The following CACNA1A variants were observed in gnomAD, a reference collection of about 807,000 sequenced individuals.
CACNA1A encodes calcium voltage-gated channel subunit alpha1 A.
In CACNA1A, 57 loss-of-function variants were observed where a neutral mutation model predicts 262.4. The observed-to-expected ratio is 0.22, with a 90% CI of 0.18 to 0.27. The LOEUF is 0.27. Ranked by LOEUF, CACNA1A falls within the 10% of genes least tolerant of loss-of-function variation. The probability of loss-of-function intolerance (pLI) is 1.00; values close to 1 mark genes in which losing one functional copy is unlikely to be tolerated. For missense variants in CACNA1A, 2,526 were observed against 3,562.8 expected (o/e 0.71, Z 7.41); for synonymous variants, 1,431 against 1,419.3 (o/e 1.01, Z -0.18).
At chr19:13,239,309 G>A (rs538779579) in intron 31 of CACNA1A, among the ~76,000 whole-genome samples, 3 of 152,108 alleles carry the variant, frequency 2.0e-5, no homozygotes, top group Non-Finnish European at 4.4e-5. Context: ...CACAGGTTCC[G>A]TCCCACCACA....
intron 1 of CACNA1A, among the ~76,000 whole-genome samples, chr19:13,461,003 T>C (rs1344256028): frequency 1.3e-5 from 2 of 152,156 alleles, no homozygotes; most frequent in Non-Finnish European, 2.9e-5. Flanking sequence ...CTTCATCCTC[T>C]GTGCCCAGGA....
At chr19:13,350,246 T>C (rs576370529) in intron 6 of CACNA1A, among the ~76,000 whole-genome samples, 7 of 152,200 alleles carry the variant, frequency 4.6e-5, no homozygotes, top group African/African-American at 1.7e-4. Flanking sequence ...TACTGACATT[T>C]TGGGCTGGGT....
At chr19:13,355,561 G>C (rs1003881823) in intron 6 of CACNA1A, among the ~76,000 whole-genome samples, 1 of 152,166 alleles carries the variant, frequency 6.6e-6, no homozygotes, top group African/African-American at 2.4e-5. Flanking sequence ...AGAGATGCAG[G>C]GCAGAGCAAA....
intron 3 of CACNA1A, among the ~76,000 whole-genome samples, chr19:13,439,101 T>C (rs2060665354): frequency 6.6e-6 from 1 of 151,024 alleles, no homozygotes; most frequent in Middle Eastern, 3.4e-3. Context: ...AAACCACTTG[T>C]CCTCAAATTT....
At chr19:13,429,896 AGG>A (rs1371871938) in intron 3 of CACNA1A, among the ~76,000 whole-genome samples, 1 of 149,644 alleles carries the variant, frequency 6.7e-6, no homozygotes, top group Non-Finnish European at 1.5e-5. Context: ...TTCTACTCAC[AGG>A]GGGGACCCAA....
chr19:13,325,708 G>T (rs2058348960), intron 10 of CACNA1A, among the ~76,000 whole-genome samples: 2 of 152,050 alleles, frequency 1.3e-5, no homozygotes, highest in Admixed American at 1.3e-4. Flanking sequence ...GATTACAGGT[G>T]TGAGCCACCG....
intron 22 of CACNA1A, among the ~76,000 whole-genome samples, chr19:13,281,392 A>AG (rs2057286964): frequency 1.3e-5 from 2 of 151,386 alleles, no homozygotes; most frequent in South Asian, 4.2e-4. Context: ...AAAAAAAAAA[A>AG]AAAAAAGCCT....
At chr19:13,387,923 A>G (rs558543968) in intron 3 of CACNA1A, among the ~76,000 whole-genome samples, 1 of 152,308 alleles carries the variant, frequency 6.6e-6, no homozygotes, top group Non-Finnish European at 1.5e-5. Context: ...AGCAACCCCA[A>G]TAGGAAAACA....
At chr19:13,295,310 G>A (rs1021429552) in intron 19 of CACNA1A, among the ~76,000 whole-genome samples, 10 of 152,134 alleles carry the variant, frequency 6.6e-5, no homozygotes, top group Admixed American at 4.6e-4. Context: ...GGCACTGCAG[G>A]CACTTAGAGA....
chr19:13,470,705 G>A (rs919736704), intron 1 of CACNA1A, among the ~76,000 whole-genome samples: 2 of 152,196 alleles, frequency 1.3e-5, no homozygotes, highest in Non-Finnish European at 2.9e-5. Flanking sequence ...CTGCAACGCT[G>A]CCCTCCACCA....
intron 3 of CACNA1A, among the ~76,000 whole-genome samples, chr19:13,388,308 T>A (rs566066278): frequency 2.2e-5 from 3 of 139,396 alleles, no homozygotes; most frequent in Non-Finnish European, 4.5e-5. Context: ...CAGGCTGGAG[T>A]GCAATGGTGT....
At chr19:13,421,746 C>T (rs1436792310) in intron 3 of CACNA1A, among the ~76,000 whole-genome samples, 1 of 152,122 alleles carries the variant, frequency 6.6e-6, no homozygotes, top group Non-Finnish European at 1.5e-5. Context: ...TTGATCTTCC[C>T]AGCCTCCAGA....
chr19:13,435,375 G>A (rs549645763), intron 3 of CACNA1A, among the ~76,000 whole-genome samples: 1 of 151,804 alleles, frequency 6.6e-6, no homozygotes, highest in East Asian at 1.9e-4. Context: ...CAAAGTGCTG[G>A]GATTACAAGC....
chr19:13,490,221 T>C (rs545252915), intron 1 of CACNA1A, among the ~76,000 whole-genome samples: 1 of 152,326 alleles, frequency 6.6e-6, no homozygotes, highest in Admixed American at 6.5e-5. Context: ...GCAACATTCC[T>C]GCAAGAAAAT....
In CACNA1A at chr19:13,206,723, G is replaced by A. The variant is rs1439681988; in HGVS notation, c.*590C>T. 6.5e-6 allele frequency: 1 copy of A among 153,934 alleles called. No homozygotes were observed. Among genetic ancestry groups the A allele is most frequent in the Admixed American group, 6.6e-5 (1 of 15,200 alleles). 9.5% of individuals were successfully genotyped at this position (153,934 alleles called of 1,614,324 possible). ...GATTTCTGCAGGCAGTAATAGTAGG[G>A]TTTGGTATAACCGGCAAGCACTCTT... On this transcript the variant is annotated 3_prime_UTR_variant, in exon 47 of 47. Transcript: ENST00000360228.
At chr19:13,328,382 G>A (rs1340010045) in intron 10 of CACNA1A, among the ~76,000 whole-genome samples, 3 of 152,132 alleles carry the variant, frequency 2.0e-5, no homozygotes, top group Non-Finnish European at 4.4e-5. Flanking sequence ...AGCGTGTTTT[G>A]GCTGGAAATT....
At chr19:13,411,770 G>GTA (rs1429050651) in intron 3 of CACNA1A, among the ~76,000 whole-genome samples, 1 of 151,542 alleles carries the variant, frequency 6.6e-6, no homozygotes, top group Admixed American at 6.6e-5. Flanking sequence ...GAAGCACAAT[G>GTA]GTGCAACTAC....
chr19:13,281,205 C>T (rs545431483), intron 22 of CACNA1A, among the ~76,000 whole-genome samples: 58 of 151,560 alleles, frequency 3.8e-4, no homozygotes, highest in African/African-American at 1.2e-3. Flanking sequence ...CATAGCGAGG[C>T]CCGTTTCTAC....
intron 19 of CACNA1A, among the ~76,000 whole-genome samples, chr19:13,291,879 C>T (rs962119939): frequency 4.6e-5 from 7 of 152,074 alleles, no homozygotes. Flanking sequence ...CCACTCCCTA[C>T]CCCCATGCAG....
Sources: allele counts gnomAD v4.1 joint callset (sites outside exome capture counted in the v4.1 genomes callset), GRCh38; gene constraint gnomAD v4.1.1; transcripts MANE v1.5; gene names NCBI Gene and HGNC (gene_info 2026-07-23, HGNC 2026-07-21).